The following GNAZ variants were observed in gnomAD, a reference collection of about 807,000 sequenced individuals.
GNAZ encodes G protein subunit alpha z, also known as guanine nucleotide-binding protein G(z) subunit alpha.
Under a neutral mutation model 25.4 loss-of-function variants are expected in GNAZ, and 3 were observed. The observed-to-expected ratio is 0.12, with a 90% confidence interval of 0.05 to 0.30. The LOEUF is 0.30. Among genes scored for constraint, GNAZ ranks in the 10% least tolerant of loss-of-function variants. GNAZ has a pLI of 1.00. For synonymous variants in GNAZ, 211 were observed against 205.7 expected, an observed-to-expected ratio of 1.03 and a Z score of -0.22; for missense variants, 241 against 501.8, an observed-to-expected ratio of 0.48 and a Z score of 4.97.
intron 2 of GNAZ, among the ~76,000 whole-genome samples, chr22:23,115,382 A>G (rs1198524193): frequency 6.6e-6 from 1 of 152,174 alleles, no homozygotes; most frequent in Non-Finnish European, 1.5e-5. Context: ...TAGGGAGGTG[A>G]CGGTCCCACC....
chr22:23,105,660 A>G (rs2069448293), intron 2 of GNAZ, among the ~76,000 whole-genome samples: 1 of 152,206 alleles, frequency 6.6e-6, no homozygotes, highest in African/African-American at 2.4e-5. Flanking sequence ...TCGCATGGTG[A>G]TGGCGTGCAA....
chr22:23,086,610 A>G (rs926164382), intron 1 of GNAZ, among the ~76,000 whole-genome samples: 1 of 152,176 alleles, frequency 6.6e-6, no homozygotes, highest in Non-Finnish European at 1.5e-5. Context: ...CACCATGCCC[A>G]GCTTCCCTGA....
At chr22:23,077,554 G>C (rs1054117521) in intron 1 of GNAZ, among the ~76,000 whole-genome samples, 1 of 152,180 alleles carries the variant, frequency 6.6e-6, no homozygotes, top group Non-Finnish European at 1.5e-5. Context: ...ACGGAAACAA[G>C]GTGCTAAACC....
chr22:23,095,927 A>G lies in GNAZ; in HGVS notation c.232A>G (p.Ile78Val), dbSNP rs147402483. 4 of 1,613,196 alleles carry G rather than the reference A, an allele frequency of 2.5e-6. No homozygotes were observed. Among genetic ancestry groups the G allele is most frequent in the Admixed American group, 1.7e-5 (1 of 60,010 alleles). ...CAAGCCCCTCATCATCTACAATGCCATCGACTCGCTGACCCGCATCATCCG... is the reference window on the plus strand; with the variant it reads ...CAAGCCCCTCATCATCTACAATGCCGTCGACTCGCTGACCCGCATCATCCG... ...EYKPLIIYNA[I>V]DSLTRIIRAL... is the part of the protein sequence containing the mutation. The change falls in exon 2 of 3, where the codon ATC becomes GTC. Residue 78 changes from isoleucine to valine, a missense_variant. Coordinates refer to ENST00000615612, the MANE Select transcript of GNAZ (RefSeq NM_002073.4).
chr22:23,073,411 C>G (rs768629699), intron 1 of GNAZ, among the ~76,000 whole-genome samples: 1 of 152,188 alleles, frequency 6.6e-6, no homozygotes, highest in Non-Finnish European at 1.5e-5. Flanking sequence ...GTGGGAGCAC[C>G]CAGACTGTTG....
chr22:23,119,112 C>T (rs1054958785), intron 2 of GNAZ, among the ~76,000 whole-genome samples: 7 of 152,254 alleles, frequency 4.6e-5, no homozygotes, highest in African/African-American at 7.2e-5. Context: ...TTCAAATAGA[C>T]GGCTCTGTTT....
intron 2 of GNAZ, among the ~76,000 whole-genome samples, chr22:23,101,936 C>A (rs1323748555): frequency 6.6e-6 from 1 of 152,238 alleles, no homozygotes; most frequent in Non-Finnish European, 1.5e-5. Context: ...TATCCCCAGC[C>A]CGCATCCCTC....
chr22:23,123,298 A>G lies in GNAZ; in HGVS notation c.935A>G (p.Asn312Ser), dbSNP rs764771187. The change falls in exon 3 of 3, where the codon AAC (asparagine) becomes AGC (serine). Residue 312 changes from asparagine (N) to serine (S), a missense_variant. Asn to Ser is a conservative substitution (Grantham distance 46, BLOSUM62 1). Coordinates refer to ENST00000615612, the MANE Select transcript of GNAZ (RefSeq NM_002073.4). The part of the protein sequence containing the change: ...VYIQRQFEDL[N>S]RNKETKEIYS... ...ATCCAGCGGCAGTTTGAAGACCTGAACCGCAACAAGGAGACCAAGGAGATC... is the reference window on the plus strand; with the variant it reads ...ATCCAGCGGCAGTTTGAAGACCTGAGCCGCAACAAGGAGACCAAGGAGATC... 1 of 1,613,018 alleles carries G rather than the reference A, an allele frequency of 6.2e-7. No individual in the cohort carries two copies. The highest frequency in any genetic ancestry group is 1.1e-5 in the South Asian group (1 of 91,002).
intron 2 of GNAZ, among the ~76,000 whole-genome samples, chr22:23,110,954 G>A (rs934779124): frequency 7.9e-5 from 12 of 152,178 alleles, no homozygotes; most frequent in African/African-American, 1.4e-4. Flanking sequence ...GTCCACTTGG[G>A]GTCAGCGACG....
chr22:23,106,599 G>A (rs2069485153), intron 2 of GNAZ, among the ~76,000 whole-genome samples: 1 of 152,224 alleles, frequency 6.6e-6, no homozygotes, highest in Non-Finnish European at 1.5e-5. Context: ...AGGAGGTAGG[G>A]CAGTTCTGGA....
At chr22:23,082,380 T>TG (rs2068708490) in intron 1 of GNAZ, among the ~76,000 whole-genome samples, 1 of 147,326 alleles carries the variant, frequency 6.8e-6, no homozygotes, top group African/African-American at 2.5e-5. Flanking sequence ...CCTGGCTATT[T>TG]TTTTTTTTTT....
chr22:23,119,971 G>A (rs2146393038), intron 2 of GNAZ, among the ~76,000 whole-genome samples: 1 of 152,330 alleles, frequency 6.6e-6, no homozygotes, highest in African/African-American at 2.4e-5. Flanking sequence ...AGCCTGAAAT[G>A]CCTGCAAAGC....
chr22:23,088,138 C>T lies in GNAZ; in HGVS notation c.-449-7109C>T, dbSNP rs539556131. Among the ~76,000 whole-genome samples, 5 of 152,206 alleles carry T rather than the reference C, an allele frequency of 3.3e-5. No homozygotes were observed. The South Asian group carries it at 1.0e-3, about 31-fold the overall frequency. On this transcript the variant is annotated intron_variant, in intron 1 of 2. Coordinates refer to ENST00000615612, the MANE Select transcript of GNAZ (RefSeq NM_002073.4). ...GTTAAATCTCTTTCACTGTCTCAGTCATAATTTTGTAAAGGCGGTTTCAAG... is the reference window on the plus strand; with the variant it reads ...GTTAAATCTCTTTCACTGTCTCAGTTATAATTTTGTAAAGGCGGTTTCAAG...
intron 1 of GNAZ, among the ~76,000 whole-genome samples, chr22:23,081,219 C>T (rs1026515261): frequency 1.3e-5 from 2 of 152,166 alleles, no homozygotes; most frequent in Non-Finnish European, 2.9e-5. Context: ...GGTCCTTTGC[C>T]ACCTCACTTG....
At chr22:23,108,928 C>T (rs78508313) in intron 2 of GNAZ, among the ~76,000 whole-genome samples, 6,709 of 152,246 alleles carry the variant, frequency 0.044, 520 homozygotes, top group African/African-American at 0.15. Flanking sequence ...GTGCATGCTA[C>T]AGGAGCTTAG....
chr22:23,072,707 C>T (rs1447871937), intron 1 of GNAZ, among the ~76,000 whole-genome samples: 5 of 152,228 alleles, frequency 3.3e-5, no homozygotes, highest in South Asian at 2.1e-4. Flanking sequence ...CTGTGCCTGT[C>T]GCCTGGACTG....
intron 1 of GNAZ, among the ~76,000 whole-genome samples, chr22:23,073,815 G>A (rs2068438492): frequency 6.6e-6 from 1 of 152,150 alleles, no homozygotes; most frequent in Non-Finnish European, 1.5e-5. Context: ...GGTACAGCAG[G>A]GACGTAGCAT....
At chr22:23,103,301 C>T (rs1269723273) in intron 2 of GNAZ, among the ~76,000 whole-genome samples, 2 of 152,228 alleles carry the variant, frequency 1.3e-5, no homozygotes, top group Non-Finnish European at 2.9e-5. Context: ...CCCCCGCCTC[C>T]ATGCCAGTTG....
At chr22:23,085,140 C>G (rs940627290) in intron 1 of GNAZ, among the ~76,000 whole-genome samples, 1 of 152,176 alleles carries the variant, frequency 6.6e-6, no homozygotes, top group South Asian at 2.1e-4. Context: ...AGGCTAAGCC[C>G]GTCTGCTGCA....
Sources: gnomAD v4.1 joint callset for allele counts (sites outside exome capture counted in the v4.1 genomes callset) on GRCh38, gnomAD v4.1.1 for gene constraint, MANE v1.5 for transcripts, NCBI Gene and HGNC (gene_info 2026-07-23, HGNC 2026-07-21) for gene names.